The following WASF3 variants were observed in gnomAD, a reference collection of about 807,000 sequenced individuals.
The protein encoded by WASF3 is WASP family member 3.
WASF3 carries 11 observed loss-of-function variants against 46.6 expected under a neutral mutation model. The ratio of observed to expected loss-of-function variants is 0.24; its 90% CI spans 0.15 to 0.39. WASF3 has a LOEUF of 0.39. Among genes scored for constraint, WASF3 ranks in the 10% least tolerant of loss-of-function variants. The pLI, the probability that WASF3 is intolerant of heterozygous loss-of-function variation, is 1.00. For missense variants in WASF3, 576 were observed against 669.8 expected, an observed-to-expected ratio of 0.86 and a Z score of 1.55; for synonymous variants, 242 against 259.7, an observed-to-expected ratio of 0.93 and a Z score of 0.65.
At chr13:26,610,899 G>A (rs1442793832) in intron 1 of WASF3, among the ~76,000 whole-genome samples, 1 of 152,110 alleles carries the variant, frequency 6.6e-6, no homozygotes, top group Non-Finnish European at 1.5e-5. Flanking sequence ...TATTCACAAA[G>A]TCTAGTTAAT....
At chr13:26,623,437 G>A (rs1347220932) in intron 2 of WASF3, among the ~76,000 whole-genome samples, 1 of 152,184 alleles carries the variant, frequency 6.6e-6, no homozygotes, top group Non-Finnish European at 1.5e-5. Context: ...TCTGGCAGAG[G>A]TTTAGGAAAC....
At chr13:26,552,288 C>T in the WASF3 span, among the ~76,000 whole-genome samples, 1 of 152,292 alleles carries the variant, frequency 6.6e-6, no homozygotes, top group East Asian at 1.9e-4. Context: ...CAGCATACTG[C>T]ACATAGAGCA....
intron 1 of WASF3, chr13:26,577,224 A>C: frequency 1.4e-6 from 1 of 733,438 alleles, no homozygotes; most frequent in South Asian, 1.4e-5. Context: ...TTCCATGGTC[A>C]AAAAATGGCA....
intron 1 of WASF3, among the ~76,000 whole-genome samples, chr13:26,609,229 G>A (rs896451765): frequency 2.6e-5 from 4 of 152,122 alleles, no homozygotes; most frequent in Admixed American, 1.3e-4. Flanking sequence ...AGATTAAAGG[G>A]CGTATTACTA....
At chr13:26,645,732 C>A (rs901438176) in intron 3 of WASF3, among the ~76,000 whole-genome samples, 2 of 152,148 alleles carry the variant, frequency 1.3e-5, no homozygotes, top group Middle Eastern at 3.4e-3. Flanking sequence ...GACCTGTAAT[C>A]AAGAGAAACA....
intron 7 of WASF3, 37 bp downstream of exon 7, chr13:26,676,761 T>G (rs1311880435): frequency 1.3e-6 from 2 of 1,573,112 alleles, no homozygotes; most frequent in Non-Finnish European, 1.7e-6. Flanking sequence ...CCCTGATGCT[T>G]GGGCAACTGG....
chr13:26,585,793 G>A lies in WASF3; in HGVS notation c.-108-27168G>A, dbSNP rs114566100. Among the ~76,000 whole-genome samples the A allele has an allele frequency of 6.8e-3, 1,035 of 152,184 alleles. 17 individuals are homozygous for A. The highest frequency in any genetic ancestry group is 0.024 in the African/African-American group (988 of 41,470). ...GTATTGCTTTGCTCTATCTTCTGCTGAAATTAAACTATAAACCCCCCAAAT... is the reference window on the plus strand; with the variant it reads ...GTATTGCTTTGCTCTATCTTCTGCTAAAATTAAACTATAAACCCCCCAAAT... On this transcript the variant is annotated intron_variant, in intron 1 of 9. Coordinates refer to ENST00000335327, the MANE Select transcript of WASF3 (RefSeq NM_006646.6).
At chr13:26,540,081 G>A in the WASF3 span, among the ~76,000 whole-genome samples, 1 of 152,134 alleles carries the variant, frequency 6.6e-6, no homozygotes, top group South Asian at 2.1e-4. Flanking sequence ...CAAGCAGACA[G>A]GAAGATCCTA....
chr13:26,668,355 G>C (rs1452931833), intron 5 of WASF3, among the ~76,000 whole-genome samples: 1 of 152,104 alleles, frequency 6.6e-6, no homozygotes, highest in Non-Finnish European at 1.5e-5. Context: ...TTCACACACT[G>C]TCTCTCCATC....
chr13:26,652,650 A>C (rs1408458695), intron 3 of WASF3, among the ~76,000 whole-genome samples: 2 of 152,222 alleles, frequency 1.3e-5, no homozygotes, highest in African/African-American at 4.8e-5. Context: ...ATATACAGAG[A>C]GTGATGATAA....
the WASF3 span, among the ~76,000 whole-genome samples, chr13:26,549,285 C>T: frequency 6.6e-6 from 1 of 152,066 alleles, no homozygotes; most frequent in Non-Finnish European, 1.5e-5. Context: ...TAGCCAATCC[C>T]ACTACATTTT....
chr13:26,654,255 C>T (rs1882403797), intron 3 of WASF3, among the ~76,000 whole-genome samples: 1 of 152,136 alleles, frequency 6.6e-6, no homozygotes, highest in South Asian at 2.1e-4. Context: ...ATGTTGCTGA[C>T]ATACACCAAG....
rs1247495818 is a variant in WASF3, at chr13:26,651,056, A to T, written c.133+8653A>T. Among the ~76,000 whole-genome samples, 6 of 152,314 alleles carry T rather than the reference A, an allele frequency of 3.9e-5. No homozygotes were observed. In the East Asian group the frequency reaches 1.2e-3, roughly 29 times the overall value. On this transcript the variant is annotated intron_variant, in intron 3 of 9. Coordinates refer to ENST00000335327, the MANE Select transcript of WASF3 (RefSeq NM_006646.6). Reference sequence around the variant, plus strand: ...AGCAAATTCCTGAAAGTATAAAGAAAACCACGTCATAATAAAATTGCTAAG... The same window carrying T: ...AGCAAATTCCTGAAAGTATAAAGAATACCACGTCATAATAAAATTGCTAAG...
At chr13:26,634,527 T>A (rs1881756747) in intron 2 of WASF3, among the ~76,000 whole-genome samples, 1 of 152,206 alleles carries the variant, frequency 6.6e-6, no homozygotes, top group African/African-American at 2.4e-5. Context: ...GATCCTGTCA[T>A]TATGATGTTA....
chr13:26,669,456 A>G (rs1411183928), intron 5 of WASF3, among the ~76,000 whole-genome samples: 1 of 152,058 alleles, frequency 6.6e-6, no homozygotes, highest in Non-Finnish European at 1.5e-5. Flanking sequence ...TTGAACTTAA[A>G]TATGGCACTG....
intron 3 of WASF3, among the ~76,000 whole-genome samples, chr13:26,662,108 G>A (rs1022022111): frequency 5.3e-5 from 8 of 152,144 alleles, no homozygotes; most frequent in African/African-American, 1.9e-4. Context: ...AATGAGGTGC[G>A]GCCAGTTAGA....
At chr13:26,677,601 G>C (rs1593185655) in intron 7 of WASF3, among the ~76,000 whole-genome samples, 1 of 152,132 alleles carries the variant, frequency 6.6e-6, no homozygotes, top group East Asian at 1.9e-4. Flanking sequence ...TGCCTTCAAT[G>C]TTCCCACCCC....
chr13:26,540,930 A>G, the WASF3 span, among the ~76,000 whole-genome samples: 10 of 152,170 alleles, frequency 6.6e-5, no homozygotes, highest in Non-Finnish European at 7.3e-5. Flanking sequence ...TTGTATTTGT[A>G]TGTGTTCATT....
chr13:26,581,262 G>A (rs1879972080), intron 1 of WASF3, among the ~76,000 whole-genome samples: 1 of 152,078 alleles, frequency 6.6e-6, no homozygotes, highest in Admixed American at 6.5e-5. Context: ...TATTTTGAAA[G>A]TATCGGTTGT....
Sources: gnomAD v4.1 joint callset for allele counts (sites outside exome capture counted in the v4.1 genomes callset) on GRCh38, gnomAD v4.1.1 for gene constraint, MANE v1.5 for transcripts, NCBI Gene and HGNC (gene_info 2026-07-23, HGNC 2026-07-21) for gene names.